STXBP5: variants seen among roughly 807,000 people sequenced by gnomAD.
The protein encoded by STXBP5 is syntaxin-binding protein 5.
Under a neutral mutation model 152.4 loss-of-function variants are expected in STXBP5, and 50 were observed. The observed-to-expected ratio is 0.33, with a 90% CI of 0.26 to 0.42. The LOEUF (loss-of-function observed/expected upper bound fraction) is 0.42. STXBP5 is among the 10% of genes least tolerant of loss of function. The pLI is 1.00. For missense variants in STXBP5, 1,167 were observed against 1,388.6 expected (o/e 0.84, Z 2.54); for synonymous variants, 492 against 494.7 (o/e 0.99, Z 0.07).
intron 11 of STXBP5, 69 bp from the exon 12 acceptor site, chr6:147,313,815 T>G (rs1445486615): frequency 9.4e-7 from 1 of 1,061,410 alleles, no homozygotes; most frequent in African/African-American, 1.6e-5. Context: ...TTAAAGTTTT[T>G]ATTTTTGTAT....
intron 17 of STXBP5, 92 bp from the exon 18 acceptor site, chr6:147,327,033 A>G (rs1186514846): frequency 2.5e-6 from 3 of 1,201,906 alleles, no homozygotes; most frequent in Non-Finnish European, 3.5e-6. Context: ...TGAAAGACCC[A>G]CCATGCTTCT....
chr6:147,345,631 T>C (rs1303349229), intron 21 of STXBP5, among the ~76,000 whole-genome samples: 1 of 152,226 alleles, frequency 6.6e-6, no homozygotes, highest in Non-Finnish European at 1.5e-5. Flanking sequence ...CAGTCATAGT[T>C]CTTTTTACCT....
At position 147,387,468 on chromosome 6, in the gene STXBP5, G is replaced by A. The variant is rs532595348; in HGVS notation, c.*2713G>A. 4 of 151,798 alleles carry A rather than the reference G, an allele frequency of 2.6e-5. No individual in the cohort carries two copies. In the East Asian group the frequency reaches 7.8e-4, roughly 29 times the overall value. 9.4% of individuals were successfully genotyped at this position (151,798 alleles called of 1,614,324 possible). On this transcript the variant is annotated 3_prime_UTR_variant, in exon 28 of 28. Transcript: ENST00000321680. Reference sequence around the variant, plus strand: ...TTTGTAAGTAGGAAGTGGTTTTTCTGTATGTACCATATATCCAGTTCATTT... The same window carrying A: ...TTTGTAAGTAGGAAGTGGTTTTTCTATATGTACCATATATCCAGTTCATTT...
chr6:147,375,675 A>T (rs988828189), intron 26 of STXBP5, among the ~76,000 whole-genome samples: 1 of 151,376 alleles, frequency 6.6e-6, no homozygotes, highest in Admixed American at 6.6e-5. Flanking sequence ...TTTAGAATTG[A>T]TACAGTGATC....
At position 147,314,002 on chromosome 6, in the gene STXBP5, A is replaced by G; in HGVS notation, c.1264A>G (p.Arg422Gly). The G allele has an allele frequency of 6.3e-7, 1 of 1,595,464 alleles. No individual in the cohort carries two copies. Among genetic ancestry groups the G allele is most frequent in the Middle Eastern group, 1.7e-4 (1 of 5,992 alleles). The change falls in exon 12 of 28, where the codon AGA (arginine) becomes GGA (glycine). Residue 422 changes from arginine to glycine, a missense_variant. Physicochemically the swap from Arg to Gly is moderately radical, Grantham distance 125. Coordinates refer to ENST00000321680, the MANE Select transcript of STXBP5 (RefSeq NM_001127715.4). ...TCCTGCACTTTATTCTGTTGGAGCT[A>G]GACAGAAACGTCAAGGTTACAGCAA... Reference protein sequence around the residue: ...LIPALYSVGARQKRQGYSKKE... With the variant: ...LIPALYSVGAGQKRQGYSKKE...
intron 22 of STXBP5, among the ~76,000 whole-genome samples, chr6:147,354,677 A>T (rs1784738265): frequency 6.6e-6 from 1 of 152,204 alleles, no homozygotes; most frequent in Non-Finnish European, 1.5e-5. Flanking sequence ...AATTATAAAA[A>T]ATACCATAGC....
rs966185549 is a variant in STXBP5, at chr6:147,250,451, T to C, written c.432-10164T>C. Among the ~76,000 whole-genome samples the C allele has an allele frequency of 2.6e-5, 4 of 152,228 alleles. No homozygotes were observed. The South Asian group carries it at 8.3e-4, about 32-fold the overall frequency. ...TATTTGCATTGCACTTACATTGTAT[T>C]GGCATTGTAAGTAATCTAGAAATGA... is the stretch of plus-strand genomic sequence containing the variant. On this transcript the variant is annotated intron_variant, in intron 4 of 27. Transcript: ENST00000321680.
chr6:147,375,028 A>G (rs993786955), intron 26 of STXBP5, among the ~76,000 whole-genome samples: 1 of 152,216 alleles, frequency 6.6e-6, no homozygotes, highest in Non-Finnish European at 1.5e-5. Flanking sequence ...TGGCAGAAGC[A>G]AATGAAAAAA....
chr6:147,249,980 G>T (rs1397857082), intron 4 of STXBP5, among the ~76,000 whole-genome samples: 1 of 152,166 alleles, frequency 6.6e-6, no homozygotes, highest in East Asian at 1.9e-4. Flanking sequence ...TGTGACTTTT[G>T]TCTAAAGGAG....
At chr6:147,229,989 G>A (rs920865665) in intron 2 of STXBP5, among the ~76,000 whole-genome samples, 1 of 151,828 alleles carries the variant, frequency 6.6e-6, no homozygotes, top group African/African-American at 2.4e-5. Context: ...TTAGCTGTGA[G>A]TTTTTCATAG....
rs149659424 is a variant in STXBP5 at position 147,335,888 on chromosome 6, T to C, written c.2146+1666T>C. ...GAAACTCAAACATGGTTCAGCATTT[T>C]CAAATATATTTTGCTCTTTGGTCCA... On this transcript the variant is annotated intron_variant, in intron 19 of 27. Transcript: ENST00000321680. Among the ~76,000 whole-genome samples the C allele has an allele frequency of 3.7e-3, 561 of 152,350 alleles. 5 individuals carry two copies. Among genetic ancestry groups the C allele is most frequent in the African/African-American group, 0.013 (529 of 41,584 alleles).
intron 2 of STXBP5, 125 bp downstream of exon 2, chr6:147,206,193 A>G (rs1776548045): frequency 1.4e-6 from 1 of 727,794 alleles, no homozygotes; most frequent in South Asian, 2.1e-5. Flanking sequence ...TACTATGAGA[A>G]ATCATGTGTT....
intron 27 of STXBP5, 135 bp downstream of exon 27, chr6:147,383,133 T>A (rs1786173184): frequency 2.9e-6 from 3 of 1,036,542 alleles, no homozygotes; most frequent in Non-Finnish European, 4.1e-6. Context: ...AAGTTCCTGA[T>A]TTTTGCCACC....
intron 25 of STXBP5, among the ~76,000 whole-genome samples, chr6:147,367,050 A>G (rs536624393): frequency 6.6e-6 from 1 of 152,224 alleles, no homozygotes; most frequent in Admixed American, 6.5e-5. Flanking sequence ...ATTGGCACAC[A>G]AAAGGATATT....
intron 2 of STXBP5, among the ~76,000 whole-genome samples, chr6:147,206,724 G>A (rs1436696108): frequency 6.6e-6 from 1 of 152,026 alleles, no homozygotes; most frequent in Non-Finnish European, 1.5e-5. Flanking sequence ...CATTAAACTA[G>A]TAGTATAGAA....
At chr6:147,267,235 T>A in intron 7 of STXBP5, 68 bp downstream of exon 7, 2 of 1,342,146 alleles carry the variant, frequency 1.5e-6, no homozygotes, top group South Asian at 1.4e-5. Flanking sequence ...TCTAAAAACT[T>A]AATTGGTAAT....
At chr6:147,348,513 G>A (rs1184047898) in intron 21 of STXBP5, among the ~76,000 whole-genome samples, 1 of 152,036 alleles carries the variant, frequency 6.6e-6, no homozygotes, top group South Asian at 2.1e-4. Flanking sequence ...AGTTTTGAGG[G>A]GATATAGTTG....
intron 18 of STXBP5, among the ~76,000 whole-genome samples, chr6:147,330,683 A>G (rs755969235): frequency 6.6e-6 from 1 of 152,200 alleles, no homozygotes; most frequent in Non-Finnish European, 1.5e-5. Context: ...TGGTAACTAC[A>G]TTGATGACTT....
chr6:147,235,147 A>T, intron 2 of STXBP5, 103 bp from the exon 3 acceptor site: 1 of 916,942 alleles, frequency 1.1e-6, no homozygotes. Context: ...AATGGCCTGT[A>T]TTGAATATGA....
Sources: allele counts gnomAD v4.1 joint callset (sites outside exome capture counted in the v4.1 genomes callset), GRCh38; gene constraint gnomAD v4.1.1; transcripts MANE v1.5; gene names NCBI Gene and HGNC (gene_info 2026-07-23, HGNC 2026-07-21).